Variants in HMGCL observed in about 807,000 individuals in gnomAD.
The protein encoded by HMGCL is 3-hydroxy-3-methylglutaryl-CoA lyase, also known as hydroxymethylglutaryl-CoA lyase, mitochondrial.
A neutral mutation model predicts 37.3 loss-of-function variants in HMGCL; 26 were observed. The observed-to-expected ratio is 0.70, with a 90% CI of 0.51 to 0.97. The LOEUF is 0.97. Ranked by LOEUF, HMGCL falls within the 50% of genes least tolerant of loss-of-function variation. HMGCL has a pLI of 0.00. For missense variants in HMGCL, 379 were observed against 398.1 expected (o/e 0.95, Z 0.41); for synonymous variants, 151 against 148.0 (o/e 1.02, Z -0.15).
intron 5 of HMGCL, 151 bp from the exon 6 acceptor site, chr1:23,810,950 C>T (rs371405476): frequency 1.6e-5 from 11 of 699,778 alleles, no homozygotes; most frequent in South Asian, 1.5e-4. Context: ...CAATTCAGTG[C>T]CAGGAGGAGG....
At chr1:23,815,785 G>A (rs755081535) in intron 4 of HMGCL, among the ~76,000 whole-genome samples, 2 of 151,528 alleles carry the variant, frequency 1.3e-5, no homozygotes, top group African/African-American at 2.4e-5. Flanking sequence ...GTGAGCCACC[G>A]CGCCCGGCCT....
chr1:23,804,584 G>A, intron 7 of HMGCL, 59 bp from the exon 8 acceptor site: 1 of 1,596,540 alleles, frequency 6.3e-7, no homozygotes, highest in Non-Finnish European at 8.6e-7. Context: ...CCACAGAGAT[G>A]AGCCTTGCAA....
intron 2 of HMGCL, among the ~76,000 whole-genome samples, chr1:23,819,413 T>C (rs936824989): frequency 6.6e-6 from 1 of 152,158 alleles, no homozygotes; most frequent in Non-Finnish European, 1.5e-5. Context: ...TAAACTTTTT[T>C]CTTACATAAA....
In HMGCL at chr1:23,825,359, C is replaced by T; in HGVS notation, c.57G>A (p.Arg19=). ...CTCGGCGGCTCGGGGCACTTACAGC[C>T]CGGAGGGACGCCAAGCCCACCAGTC... ...PRRLVGLASL[R]AVSTSSMGTL... The change falls in exon 1 of 9, where the codon CGG becomes CGA. Residue 19 remains arginine (R), a synonymous_variant. Coordinates refer to ENST00000374490, the MANE Select transcript of HMGCL (RefSeq NM_000191.3). The T allele has an allele frequency of 1.3e-6, 2 of 1,558,260 alleles. No homozygotes were observed. Among genetic ancestry groups the T allele is most frequent in the Admixed American group, 1.9e-5 (1 of 52,316 alleles).
intron 2 of HMGCL, among the ~76,000 whole-genome samples, chr1:23,818,820 A>G (rs1479777093): frequency 6.6e-6 from 1 of 151,926 alleles, no homozygotes; most frequent in African/African-American, 2.4e-5. Context: ...TGCCAGTATT[A>G]CAGGCATGAG....
chr1:23,810,481 C>T, intron 6 of HMGCL: 1 of 473,600 alleles, frequency 2.1e-6, no homozygotes, highest in South Asian at 2.0e-5. Flanking sequence ...CCTCAACGAC[C>T]AGACTGGAAA....
intron 7 of HMGCL, 127 bp from the exon 8 acceptor site, chr1:23,804,652 T>C: frequency 2.9e-6 from 3 of 1,033,494 alleles, no homozygotes; most frequent in South Asian, 1.3e-5. Context: ...TGGCTTATGA[T>C]TCTGTTGACA....
intron 1 of HMGCL, among the ~76,000 whole-genome samples, chr1:23,824,940 A>T (rs928231707): frequency 2.0e-5 from 3 of 152,208 alleles, no homozygotes; most frequent in East Asian, 3.8e-4. Context: ...GTAGGCTGGG[A>T]TAGTTCCCCA....
chr1:23,803,681 CATT>C (rs1638338798), intron 8 of HMGCL: 4 of 152,260 alleles, frequency 2.6e-5, no homozygotes, highest in African/African-American at 9.6e-5. Flanking sequence ...AGATGGATGG[CATT>C]ATTATTCCCA....
chr1:23,819,126 G>GAAT (rs1382673422), intron 2 of HMGCL, among the ~76,000 whole-genome samples: 1 of 148,876 alleles, frequency 6.7e-6, no homozygotes, highest in Admixed American at 6.7e-5. Flanking sequence ...ACCACCCTTA[G>GAAT]AATCTCCCAG....
intron 5 of HMGCL, 131 bp downstream of exon 5, chr1:23,814,059 A>G: frequency 1.1e-6 from 1 of 934,980 alleles, no homozygotes; most frequent in South Asian, 1.3e-5. Flanking sequence ...TTGGGAAAAG[A>G]TGTCTAGGTG....
intron 1 of HMGCL, among the ~76,000 whole-genome samples, chr1:23,821,794 C>A (rs996373686): frequency 2.6e-5 from 4 of 152,122 alleles, no homozygotes; most frequent in African/African-American, 9.7e-5. Context: ...CTCCACCCAA[C>A]AGGTTGCTAA....
Position 23,825,343 on chromosome 1 carries a change from T to C in HMGCL, c.60+13A>G, listed in dbSNP as rs1173069946. ...CCTGCAGGGCCGCCGCCTCGGCGGC[T>C]CGGGGCACTTACAGCCCGGAGGGAC... On this transcript the variant is annotated intron_variant, in intron 1 of 8. Coordinates refer to ENST00000374490, the MANE Select transcript of HMGCL (RefSeq NM_000191.3). 4 of 1,552,982 alleles carry C rather than the reference T, an allele frequency of 2.6e-6. No individual in the cohort carries two copies. Among genetic ancestry groups the C allele is most frequent in the Non-Finnish European group, 3.5e-6 (4 of 1,148,372 alleles).
At chr1:23,810,868 C>A (rs1216989268) in intron 5 of HMGCL, 69 bp from the exon 6 acceptor site, 4 of 1,215,150 alleles carry the variant, frequency 3.3e-6, no homozygotes, top group Non-Finnish European at 4.9e-6. Flanking sequence ...TGAGGCAGGG[C>A]TGTTTAACAC....
rs558667817 is a variant in HMGCL at position 23,802,883 on chromosome 1, A to G, written c.877-319T>C. Among the ~76,000 whole-genome samples the G allele has an allele frequency of 4.0e-3, 616 of 152,248 alleles. No individual in the cohort carries two copies. Among genetic ancestry groups the G allele is most frequent in the Non-Finnish European group, 5.9e-3 (403 of 68,004 alleles). On this transcript the variant is annotated intron_variant, in intron 8 of 8. Coordinates refer to ENST00000374490, the MANE Select transcript of HMGCL (RefSeq NM_000191.3). ...AGGGCCTGGCCCACAGAGGTAAAAA[A>G]CTGATATTCAAGTGACAATTGTGAG...
intron 8 of HMGCL, 54 bp from the exon 9 acceptor site, chr1:23,802,618 G>A: frequency 9.0e-7 from 1 of 1,111,272 alleles, no homozygotes; most frequent in South Asian, 1.2e-5. Flanking sequence ...CTCAACACCA[G>A]GGAAAACATC....
rs1638362250 is a variant in HMGCL, at chr1:23,804,401, G to A, written c.875C>T (p.Thr292Met). The change falls in exon 8 of 9, where the codon ACG becomes ATG. Residue 292 changes from threonine to methionine, a missense_variant and splice_region_variant. Thr to Met is a moderately conservative substitution (Grantham distance 81, BLOSUM62 -1). Coordinates refer to ENST00000374490, the MANE Select transcript of HMGCL (RefSeq NM_000191.3). Reference sequence around the variant, plus strand: ...CCACCAGGGGGTGGGTGGGCTTACCGTGTGAATGCCCAAGCCCTCTAGCAT... The same window carrying A: ...CCACCAGGGGGTGGGTGGGCTTACCATGTGAATGCCCAAGCCCTCTAGCAT... ...VYMLEGLGIH[T>M]GVNLQKLLEA... The A allele has an allele frequency of 3.1e-6, 5 of 1,614,140 alleles. No homozygotes were observed. The highest frequency in any genetic ancestry group is 2.2e-5 in the South Asian group (2 of 91,088).
chr1:23,821,963 G>C (rs951575271), intron 1 of HMGCL, among the ~76,000 whole-genome samples: 5 of 151,932 alleles, frequency 3.3e-5, no homozygotes, highest in African/African-American at 1.2e-4. Flanking sequence ...CATTATTTTC[G>C]CTATTGCAGA....
chr1:23,807,141 G>A (rs759070952), intron 7 of HMGCL: 2 of 518,916 alleles, frequency 3.9e-6, no homozygotes, highest in Admixed American at 3.9e-5. Flanking sequence ...ATGAAGTTTT[G>A]CCTCAGACTC....
Sources: allele counts gnomAD v4.1 joint callset (sites outside exome capture counted in the v4.1 genomes callset), GRCh38; gene constraint gnomAD v4.1.1; transcripts MANE v1.5; gene names NCBI Gene and HGNC (gene_info 2026-07-23, HGNC 2026-07-21).